TMEM132C: variants seen among roughly 807,000 people sequenced by gnomAD.
TMEM132C encodes the protein protein phosphatase 1, regulatory subunit 152.
Under a neutral mutation model 61.4 loss-of-function variants are expected in TMEM132C, and 29 were observed. That is an observed-to-expected ratio of 0.47 (90% CI 0.35 to 0.64). The LOEUF (loss-of-function observed/expected upper bound fraction) is 0.64, where lower values mean the gene tolerates loss of function less well. TMEM132C is among the 30% of genes least tolerant of loss of function. TMEM132C has a pLI of 0.00. For missense variants in TMEM132C, 1,408 were observed against 1,476.9 expected (o/e 0.95, Z 0.76); for synonymous variants, 656 against 633.1 (o/e 1.04, Z -0.54).
In TMEM132C at chr12:128,278,432, C is replaced by T. The variant is rs759760192; in HGVS notation, c.85+10945C>T. 3.3e-5 allele frequency among the ~76,000 whole-genome samples: 5 copies of T among 152,144 alleles called. No individual in the cohort carries two copies. Among genetic ancestry groups the T allele is most frequent in the South Asian group, 2.1e-4 (1 of 4,822 alleles). On this transcript the variant is annotated intron_variant, in intron 1 of 8. Transcript: ENST00000435159. The surrounding 1 kb of genome is among the most constrained non-coding windows in gnomAD (Gnocchi z 4.2). ...TGTTCATATCCTATTAACTAAATGA[C>T]GTTTCCTAGCTGGGATCTCTCACTG...
intron 1 of TMEM132C, among the ~76,000 whole-genome samples, chr12:128,303,726 TCAAAAG>T: frequency 6.6e-6 from 1 of 152,180 alleles, no homozygotes; most frequent in African/African-American, 2.4e-5. Flanking sequence ...GCTCTTACCA[TCAAAAG>T]GTAGAGTCTT....
chr12:128,469,624 CTTTGTGTGTGTGTG>C (rs780058445), intron 2 of TMEM132C, among the ~76,000 whole-genome samples: 2 of 140,820 alleles, frequency 1.4e-5, no homozygotes, highest in Non-Finnish European at 1.5e-5. Flanking sequence ...TGCTTGTATG[CTTTGTGTGTGTGTG>C]TTTGTGTGTG....
chr12:128,536,281 T>C (rs1873522313), intron 2 of TMEM132C, among the ~76,000 whole-genome samples: 1 of 152,038 alleles, frequency 6.6e-6, no homozygotes, highest in South Asian at 2.1e-4. Context: ...CTGAGCAAAC[T>C]ATCGCAAGGA....
chr12:128,693,471 A>G (rs1954734321), intron 5 of TMEM132C, among the ~76,000 whole-genome samples: 1 of 152,208 alleles, frequency 6.6e-6, no homozygotes, highest in South Asian at 2.1e-4. Flanking sequence ...CTCAACCAGT[A>G]GGAATAAGAA....
chr12:128,512,306 A>C (rs1872590850), intron 2 of TMEM132C, among the ~76,000 whole-genome samples: 1 of 152,162 alleles, frequency 6.6e-6, no homozygotes, highest in Non-Finnish European at 1.5e-5. Flanking sequence ...TTATACAAAT[A>C]TAAGCAAGTA....
At chr12:128,660,090 C>T (rs777387294) in intron 4 of TMEM132C, among the ~76,000 whole-genome samples, 1 of 152,136 alleles carries the variant, frequency 6.6e-6, no homozygotes, top group African/African-American at 2.4e-5. Context: ...ATACACGAAG[C>T]GCTTAAAGAG....
intron 8 of TMEM132C, among the ~76,000 whole-genome samples, chr12:128,703,819 G>A (rs1024835927): frequency 6.6e-6 from 1 of 152,238 alleles, no homozygotes; most frequent in Non-Finnish European, 1.5e-5. Context: ...AATGCGTTCT[G>A]TAATAACTGC....
chr12:128,665,718 CAT>C (rs1954456464), intron 4 of TMEM132C, among the ~76,000 whole-genome samples: 4 of 140,570 alleles, frequency 2.8e-5, no homozygotes, highest in African/African-American at 1.1e-4. Flanking sequence ...CACAGGCACT[CAT>C]ACACAAACAC....
At chr12:128,490,287 C>A (rs1871672441) in intron 2 of TMEM132C, among the ~76,000 whole-genome samples, 1 of 152,158 alleles carries the variant, frequency 6.6e-6, no homozygotes, top group African/African-American at 2.4e-5. Flanking sequence ...TTGTACCTGG[C>A]TTTTGTCGTA....
intron 2 of TMEM132C, among the ~76,000 whole-genome samples, chr12:128,477,791 A>G (rs1160783059): frequency 1.3e-5 from 2 of 152,214 alleles, no homozygotes; most frequent in African/African-American, 2.4e-5. Flanking sequence ...CATATTGGCC[A>G]GGTTGGTCTC....
intron 3 of TMEM132C, among the ~76,000 whole-genome samples, chr12:128,614,315 A>T (rs1347163084): frequency 1.3e-5 from 2 of 152,248 alleles, no homozygotes; most frequent in Non-Finnish European, 2.9e-5. Context: ...ATGTTCTTAT[A>T]ACACGAAAGC....
intron 1 of TMEM132C, among the ~76,000 whole-genome samples, chr12:128,362,377 G>A (rs1565912933): frequency 6.6e-6 from 1 of 152,154 alleles, no homozygotes; most frequent in East Asian, 1.9e-4. Flanking sequence ...TACCCATTGT[G>A]AGACTGTGTT....
At chr12:128,479,088 A>G (rs1871243918) in intron 2 of TMEM132C, among the ~76,000 whole-genome samples, 2 of 152,190 alleles carry the variant, frequency 1.3e-5, no homozygotes, top group South Asian at 4.2e-4. Context: ...GCTGGAGCCC[A>G]TCATCCTTAG....
intron 2 of TMEM132C, among the ~76,000 whole-genome samples, chr12:128,482,640 C>A (rs1444195596): frequency 2.0e-5 from 3 of 151,996 alleles, no homozygotes; most frequent in African/African-American, 7.3e-5. Context: ...TTAATTACTG[C>A]CTCAATTTCA....
chr12:128,502,208 C>T (rs1872204399), intron 2 of TMEM132C, among the ~76,000 whole-genome samples: 2 of 152,212 alleles, frequency 1.3e-5, no homozygotes, highest in Admixed American at 1.3e-4. Context: ...GTGACAGAGG[C>T]TGCCCTGCTC....
intron 1 of TMEM132C, among the ~76,000 whole-genome samples, chr12:128,401,369 C>T (rs760185189): frequency 3.3e-5 from 5 of 151,790 alleles, no homozygotes; most frequent in Non-Finnish European, 7.4e-5. Context: ...CAGTATAGTG[C>T]TCTGTCATAG....
intron 4 of TMEM132C, among the ~76,000 whole-genome samples, chr12:128,625,864 G>A (rs1370545029): frequency 6.6e-6 from 1 of 152,136 alleles, no homozygotes. Context: ...CTTGGGGGTT[G>A]GCATTTCAGC....
At chr12:128,462,139 T>A (rs983261580) in intron 2 of TMEM132C, among the ~76,000 whole-genome samples, 33 of 152,314 alleles carry the variant, frequency 2.2e-4, no homozygotes, top group African/African-American at 6.7e-4. Context: ...AGAGTCTCGC[T>A]CTGTCACCCA....
At chr12:128,459,431 C>T (rs773861839) in intron 2 of TMEM132C, among the ~76,000 whole-genome samples, 8 of 152,064 alleles carry the variant, frequency 5.3e-5, no homozygotes, top group African/African-American at 1.9e-4. Flanking sequence ...GAAGTGGGCT[C>T]TTTAGGATTT....
Sources: allele counts gnomAD v4.1 joint callset (sites outside exome capture counted in the v4.1 genomes callset), GRCh38; gene constraint gnomAD v4.1.1; non-coding constraint Gnocchi (gnomAD v3.1); transcripts MANE v1.5; gene names NCBI Gene and HGNC (gene_info 2026-07-23, HGNC 2026-07-21).